RALGAPA1: variants seen among roughly 807,000 people sequenced by gnomAD.
RALGAPA1 encodes ral GTPase-activating protein subunit alpha-1.
In RALGAPA1, 52 loss-of-function variants were observed where a neutral mutation model predicts 269.6. The observed-to-expected ratio is 0.19, with a 90% CI of 0.15 to 0.24. The LOEUF (loss-of-function observed/expected upper bound fraction) is 0.24, where lower values mean the gene tolerates loss of function less well. Ranked by LOEUF, RALGAPA1 falls within the 10% of genes least tolerant of loss-of-function variation. The pLI, the probability that RALGAPA1 is intolerant of heterozygous loss-of-function variation, is 1.00. For missense variants in RALGAPA1, 1,917 were observed against 3,013.9 expected (o/e 0.64, Z 8.52); for synonymous variants, 817 against 1,008.3 (o/e 0.81, Z 3.60).
At chr14:35,651,509 A>G (rs1301727927) in intron 31 of RALGAPA1, among the ~76,000 whole-genome samples, 1 of 152,190 alleles carries the variant, frequency 6.6e-6, no homozygotes, top group African/African-American at 2.4e-5. Context: ...CAGAATTAAC[A>G]ATCTTCAGGC....
intron 2 of RALGAPA1, 51 bp downstream of exon 2, chr14:35,775,584 G>A (rs1409984029): frequency 6.5e-7 from 1 of 1,528,362 alleles, no homozygotes. Flanking sequence ...TTATGTTTAT[G>A]ACAATTATTA....
At chr14:35,752,637 T>C (rs1567158661) in intron 7 of RALGAPA1, among the ~76,000 whole-genome samples, 2 of 151,950 alleles carry the variant, frequency 1.3e-5, no homozygotes, top group East Asian at 1.9e-4. Flanking sequence ...GAGGAGGGTG[T>C]CCATGAAGTG....
intron 39 of RALGAPA1, among the ~76,000 whole-genome samples, chr14:35,561,681 T>C (rs1353747328): frequency 6.6e-6 from 1 of 151,950 alleles, no homozygotes; most frequent in African/African-American, 2.4e-5. Flanking sequence ...GCTAATTTTT[T>C]GTATTTTTAG....
At chr14:35,541,714 C>T (rs1472302794) in intron 41 of RALGAPA1, 7 of 456,640 alleles carry the variant, frequency 1.5e-5, no homozygotes, top group Non-Finnish European at 2.6e-5. Flanking sequence ...CCGGCCATCA[C>T]GAGAGGCCCT....
intron 4 of RALGAPA1, among the ~76,000 whole-genome samples, chr14:35,770,426 AAAAG>A (rs1053304095): frequency 2.0e-5 from 3 of 152,178 alleles, no homozygotes; most frequent in African/African-American, 7.2e-5. Flanking sequence ...CAATAAACAG[AAAAG>A]AAAGAAAGAA....
chr14:35,557,644 C>CA (rs2055757436), intron 39 of RALGAPA1, among the ~76,000 whole-genome samples: 2 of 152,234 alleles, frequency 1.3e-5, no homozygotes, highest in Middle Eastern at 3.4e-3. Context: ...GAAGAATGGG[C>CA]ATTCAATGAA....
intron 16 of RALGAPA1, among the ~76,000 whole-genome samples, chr14:35,721,090 G>A (rs2069373235): frequency 1.3e-5 from 2 of 152,144 alleles, no homozygotes; most frequent in African/African-American, 2.4e-5. Flanking sequence ...GAATGAGATG[G>A]TAGCTAATTC....
chr14:35,749,884 A>G (rs1391311585), intron 9 of RALGAPA1, among the ~76,000 whole-genome samples: 1 of 152,158 alleles, frequency 6.6e-6, no homozygotes, highest in Non-Finnish European at 1.5e-5. Flanking sequence ...ATCTGAGGAG[A>G]GGAAAATAAA....
intron 11 of RALGAPA1, among the ~76,000 whole-genome samples, chr14:35,739,854 G>A (rs1026169648): frequency 6.6e-6 from 1 of 152,064 alleles, no homozygotes; most frequent in African/African-American, 2.4e-5. Context: ...ACCTTCTCAA[G>A]TATGTAACTG....
chr14:35,708,724 T>A (rs556273910), intron 16 of RALGAPA1, among the ~76,000 whole-genome samples: 1 of 152,262 alleles, frequency 6.6e-6, no homozygotes, highest in Admixed American at 6.5e-5. Flanking sequence ...GAGCTACCAA[T>A]CCAGCAATCC....
intron 12 of RALGAPA1, among the ~76,000 whole-genome samples, chr14:35,736,830 G>A (rs1049049964): frequency 1.9e-4 from 29 of 152,134 alleles, no homozygotes; most frequent in African/African-American, 6.8e-4. Flanking sequence ...GAGGTCAGGG[G>A]TTTAAGACCA....
chr14:35,677,663 G>A, intron 22 of RALGAPA1: 1 of 305,464 alleles, frequency 3.3e-6, no homozygotes, highest in East Asian at 1.1e-4. Context: ...TGTATTTCCT[G>A]TTTTAGGAAA....
chr14:35,800,438 T>C (rs187809638), intron 1 of RALGAPA1, among the ~76,000 whole-genome samples: 3 of 152,182 alleles, frequency 2.0e-5, no homozygotes, highest in Middle Eastern at 3.4e-3. Context: ...AACCAAAAGG[T>C]ATCTGAATAA....
chr14:35,606,947 T>C (rs1360701102), intron 35 of RALGAPA1, among the ~76,000 whole-genome samples: 1 of 152,152 alleles, frequency 6.6e-6, no homozygotes, highest in East Asian at 1.9e-4. Flanking sequence ...GATGAGCACA[T>C]AGGCAAACTT....
At chr14:35,549,813 A>C (rs2054807827) in intron 39 of RALGAPA1, among the ~76,000 whole-genome samples, 1 of 152,092 alleles carries the variant, frequency 6.6e-6, no homozygotes, top group African/African-American at 2.4e-5. Context: ...TCCTCGAATA[A>C]CTCCATGTGG....
chr14:35,569,290 T>TA (rs1347645145), intron 39 of RALGAPA1, among the ~76,000 whole-genome samples: 1 of 152,148 alleles, frequency 6.6e-6, no homozygotes, highest in African/African-American at 2.4e-5. Context: ...GTTTATTATA[T>TA]AAAAAATAAA....
chr14:35,605,735 A>AATTTAATC (rs1309473156), intron 35 of RALGAPA1, 26 bp from the exon 36 acceptor site: 4 of 1,597,640 alleles, frequency 2.5e-6, no homozygotes, highest in Non-Finnish European at 3.4e-6. Context: ...TTACACCATT[A>AATTTAATC]ATTTAATCAC....
At chr14:35,631,385 T>C (rs751471776) in intron 33 of RALGAPA1, among the ~76,000 whole-genome samples, 5 of 152,188 alleles carry the variant, frequency 3.3e-5, no homozygotes, top group Admixed American at 6.5e-5. Flanking sequence ...AAAAAAGTAT[T>C]ACTTAGGATA....
intron 4 of RALGAPA1, chr14:35,766,424 T>G (rs1166422231): frequency 6.4e-7 from 1 of 1,574,740 alleles, no homozygotes; most frequent in Non-Finnish European, 8.7e-7. Flanking sequence ...TACAGTCTCT[T>G]TGGTCCAAAG....
Sources: allele counts gnomAD v4.1 joint callset (sites outside exome capture counted in the v4.1 genomes callset), GRCh38; gene constraint gnomAD v4.1.1; transcripts MANE v1.5; gene names NCBI Gene and HGNC (gene_info 2026-07-23, HGNC 2026-07-21).